Variants in DTNB observed in about 807,000 individuals in gnomAD.
DTNB encodes dystrobrevin beta, also known as DTN-B.
Under a neutral mutation model 90.7 loss-of-function variants are expected in DTNB, and 63 were observed. The observed-to-expected ratio is 0.69, with a 90% CI of 0.57 to 0.86. The LOEUF (loss-of-function observed/expected upper bound fraction) is 0.86. Among genes scored for constraint, DTNB ranks in the 40% least tolerant of loss-of-function variants. The pLI is 0.00. For missense variants in DTNB, 744 were observed against 807.1 expected (o/e 0.92, Z 0.95); for synonymous variants, 277 against 286.7 (o/e 0.97, Z 0.34).
chr2:25,411,076 T>C (rs1466450029), intron 16 of DTNB, among the ~76,000 whole-genome samples: 1 of 151,910 alleles, frequency 6.6e-6, no homozygotes, highest in Non-Finnish European at 1.5e-5. Context: ...AGAAAAACCA[T>C]AGCTGGGCGC....
chr2:25,628,494 C>A, intron 3 of DTNB, 110 bp from the exon 4 acceptor site: 1 of 1,028,844 alleles, frequency 9.7e-7, no homozygotes. Flanking sequence ...AGAAGAAACT[C>A]TTTAGCCAAC....
intron 6 of DTNB, among the ~76,000 whole-genome samples, chr2:25,586,303 G>T (rs569057105): frequency 6.6e-6 from 1 of 152,076 alleles, no homozygotes; most frequent in South Asian, 2.1e-4. Flanking sequence ...TTGAGGTCAG[G>T]AGTTTGAAAC....
At chr2:25,400,968 T>A (rs542564818) in intron 16 of DTNB, among the ~76,000 whole-genome samples, 91 of 152,302 alleles carry the variant, frequency 6.0e-4, no homozygotes, top group African/African-American at 2.2e-3. Flanking sequence ...AAGCTCTGCA[T>A]CATGTTCCAA....
rs180930613 is a variant in DTNB, at chr2:25,578,535, A to G, written c.710-1531T>C. On this transcript the variant is annotated intron_variant, in intron 7 of 20. Coordinates refer to ENST00000406818, the MANE Select transcript of DTNB (RefSeq NM_021907.5). Reference sequence around the variant, plus strand: ...TACATTCTGATAATTTTGGTTGAACATATATGTCTATGTGATTCTCCTACC... The same window carrying G: ...TACATTCTGATAATTTTGGTTGAACGTATATGTCTATGTGATTCTCCTACC... Among the ~76,000 whole-genome samples, 4 of 152,366 alleles carry G rather than the reference A, an allele frequency of 2.6e-5. No individual in the cohort carries two copies. In the East Asian group the frequency reaches 5.8e-4, roughly 22 times the overall value.
At chr2:25,645,433 C>A (rs2079224257) in intron 2 of DTNB, among the ~76,000 whole-genome samples, 1 of 151,636 alleles carries the variant, frequency 6.6e-6, no homozygotes, top group Non-Finnish European at 1.5e-5. Flanking sequence ...AAAATCTAAT[C>A]TGTGGGGTAA....
intron 16 of DTNB, among the ~76,000 whole-genome samples, chr2:25,390,044 A>G (rs888462590): frequency 3.9e-5 from 6 of 152,182 alleles, no homozygotes; most frequent in Non-Finnish European, 7.3e-5. Flanking sequence ...TTCCTGTTCC[A>G]GTTCTTTCCT....
At chr2:25,634,131 G>C (rs1160209541) in intron 3 of DTNB, among the ~76,000 whole-genome samples, 6 of 150,130 alleles carry the variant, frequency 4.0e-5, no homozygotes, top group Non-Finnish European at 5.9e-5. Context: ...CCCCTGCCCG[G>C]CCAGCCGCCC....
chr2:25,379,403 C>T (rs2036890450), intron 19 of DTNB, 80 bp from the exon 20 acceptor site: 1 of 1,276,146 alleles, frequency 7.8e-7, no homozygotes, highest in African/African-American at 1.5e-5. Context: ...AAAGGGGCTT[C>T]CCTGACCAAC....
At chr2:25,510,961 AGTGGGCCT>A (rs531843054) in intron 9 of DTNB, among the ~76,000 whole-genome samples, 1 of 152,210 alleles carries the variant, frequency 6.6e-6, no homozygotes, top group Non-Finnish European at 1.5e-5. Context: ...CCCATGTGAA[AGTGGGCCT>A]GTGGTTAGGA....
intron 3 of DTNB, among the ~76,000 whole-genome samples, chr2:25,633,304 C>T (rs565697370): frequency 6.6e-6 from 1 of 151,900 alleles, no homozygotes; most frequent in Admixed American, 6.5e-5. Context: ...CCTGCCATTG[C>T]AGGCGCGCGC....
Position 25,459,438 on chromosome 2 carries a change from A to G in DTNB, c.1080-3944T>C, listed in dbSNP as rs554336400. On this transcript the variant is annotated intron_variant, in intron 10 of 20. Coordinates refer to ENST00000406818, the MANE Select transcript of DTNB (RefSeq NM_021907.5). ...AACTCTCTTGTAGGCCATTATAAGT[A>G]TTTTAGCTTTTACTCTGATATGAGA... Among the ~76,000 whole-genome samples the G allele has an allele frequency of 4.6e-5, 7 of 152,172 alleles. No individual in the cohort carries two copies. The East Asian group carries it at 1.4e-3, about 29-fold the overall frequency.
At chr2:25,476,470 T>C (rs1471031713) in intron 10 of DTNB, among the ~76,000 whole-genome samples, 2 of 152,134 alleles carry the variant, frequency 1.3e-5, no homozygotes, top group African/African-American at 2.4e-5. Flanking sequence ...ACAAAGTAAA[T>C]TGAAAACCTC....
chr2:25,588,908 A>G (rs2148315429), intron 6 of DTNB, among the ~76,000 whole-genome samples: 1 of 152,360 alleles, frequency 6.6e-6, no homozygotes, highest in Non-Finnish European at 1.5e-5. Context: ...ACCAAAGTAC[A>G]CAGTAGCAAA....
chr2:25,521,704 C>T (rs977505642), intron 9 of DTNB, among the ~76,000 whole-genome samples: 3 of 152,150 alleles, frequency 2.0e-5, no homozygotes, highest in Non-Finnish European at 2.9e-5. Flanking sequence ...ACTTTACTTA[C>T]GGACACTGAC....
intron 8 of DTNB, among the ~76,000 whole-genome samples, chr2:25,560,817 C>T (rs1023184285): frequency 2.0e-5 from 3 of 152,162 alleles, no homozygotes; most frequent in African/African-American, 2.4e-5. Flanking sequence ...GCTCTGCTGA[C>T]ACTTCGATTT....
At chr2:25,639,277 T>C (rs562773131) in intron 2 of DTNB, 183 bp from the exon 3 acceptor site, 5 of 516,054 alleles carry the variant, frequency 9.7e-6, no homozygotes, top group Non-Finnish European at 1.4e-5. Context: ...ATCTCCAGTA[T>C]GTGCAGGAAC....
intron 9 of DTNB, among the ~76,000 whole-genome samples, chr2:25,488,641 G>A (rs1046429512): frequency 2.6e-5 from 4 of 152,038 alleles, no homozygotes; most frequent in East Asian, 1.9e-4. Context: ...CACTAAAAAC[G>A]TGCATTTACT....
At chr2:25,430,749 AC>A (rs2053600208) in intron 14 of DTNB, among the ~76,000 whole-genome samples, 1 of 152,234 alleles carries the variant, frequency 6.6e-6, no homozygotes, top group South Asian at 2.1e-4. Context: ...AGGGAGAGGT[AC>A]TTCTATGGAT....
intron 8 of DTNB, chr2:25,558,169 A>G: frequency 1.0e-6 from 1 of 976,956 alleles, no homozygotes; most frequent in Non-Finnish European, 1.2e-6. Context: ...CGTAGTCACT[A>G]AATGAAGATA....
Sources: allele counts gnomAD v4.1 joint callset (sites outside exome capture counted in the v4.1 genomes callset), GRCh38; gene constraint gnomAD v4.1.1; transcripts MANE v1.5; gene names NCBI Gene and HGNC (gene_info 2026-07-23, HGNC 2026-07-21).